The following PMFBP1 variants were observed in gnomAD, a reference collection of about 807,000 sequenced individuals.
The protein encoded by PMFBP1 is polyamine modulated factor 1 binding protein 1.
In PMFBP1, 131 loss-of-function variants were observed where a neutral mutation model predicts 137.8. The ratio of observed to expected loss-of-function variants is 0.95; its 90% CI spans 0.82 to 1.10. The LOEUF (loss-of-function observed/expected upper bound fraction) is 1.10. Among genes scored for constraint, PMFBP1 ranks in the 50% least tolerant of loss-of-function variants. PMFBP1 has a pLI of 0.00. For synonymous variants in PMFBP1, 490 were observed against 450.4 expected (o/e 1.09, Z -1.11); for missense variants, 1,199 against 1,175.4 (o/e 1.02, Z -0.29).
At chr16:72,120,149 G>C (rs1482171159) in intron 19 of PMFBP1, 60 bp from the exon 20 acceptor site, 2 of 1,611,242 alleles carry the variant, frequency 1.2e-6, no homozygotes, top group African/African-American at 1.3e-5. Flanking sequence ...TTGGTTCCCT[G>C]CTAGAAAGGA....
At chr16:72,129,555 T>C (rs1231475954) in intron 12 of PMFBP1, among the ~76,000 whole-genome samples, 1 of 152,206 alleles carries the variant, frequency 6.6e-6, no homozygotes, top group African/African-American at 2.4e-5. Context: ...TAAAAAATCT[T>C]AGAAGAGAAC....
chr16:72,224,677 C>T, the PMFBP1 span: 1 of 152,448 alleles, frequency 6.6e-6, no homozygotes, highest in African/African-American at 2.4e-5. Flanking sequence ...TTCCATAAAG[C>T]TTCTGTGACC....
the PMFBP1 span, among the ~76,000 whole-genome samples, chr16:72,212,103 G>A: frequency 6.6e-6 from 1 of 150,792 alleles, no homozygotes; most frequent in African/African-American, 2.4e-5. Context: ...AAAATAGGAA[G>A]CAAACAAGTG....
At chr16:72,231,036 AATGAAATAT>A in the PMFBP1 span, among the ~76,000 whole-genome samples, 1 of 152,204 alleles carries the variant, frequency 6.6e-6, no homozygotes, top group Non-Finnish European at 1.5e-5. Flanking sequence ...TTGAGAATCA[AATGAAATAT>A]AACAATGAAT....
the PMFBP1 span, among the ~76,000 whole-genome samples, chr16:72,188,180 A>C: frequency 6.6e-6 from 1 of 152,268 alleles, no homozygotes. Flanking sequence ...TAGAAAATGA[A>C]GTGTTCAGAA....
In PMFBP1 at chr16:72,136,748, C is replaced by T. The variant is rs1379863745; in HGVS notation, c.990G>A (p.Lys330=). ...LHVEEYQNLV[K]DLRVELEAVS... ...CGGCCTCTAGTTCCACGCGCAGATCCTTCACCAGGTTCTGGTACTCCTCCA... is the reference window on the plus strand; with the variant it reads ...CGGCCTCTAGTTCCACGCGCAGATCTTTCACCAGGTTCTGGTACTCCTCCA... Residue 330 remains lysine (K), a synonymous_variant, in exon 8 of 21, where the codon AAG becomes AAA. Coordinates refer to ENST00000237353, the MANE Select transcript of PMFBP1 (RefSeq NM_031293.3). 1.2e-6 allele frequency: 2 copies of T among 1,614,204 alleles called. No homozygotes were observed. Among genetic ancestry groups the T allele is most frequent in the Non-Finnish European group, 1.7e-6 (2 of 1,180,030 alleles).
chr16:72,143,368 T>C (rs905191937), intron 5 of PMFBP1, among the ~76,000 whole-genome samples: 2 of 152,142 alleles, frequency 1.3e-5, no homozygotes, highest in African/African-American at 4.8e-5. Context: ...TTTAGGAAAA[T>C]CCAAGACAGT....
the PMFBP1 span, among the ~76,000 whole-genome samples, chr16:72,183,848 C>T: frequency 6.6e-6 from 1 of 152,148 alleles, no homozygotes; most frequent in Non-Finnish European, 1.5e-5. Context: ...TTTGCTGCCT[C>T]TTGATATTTC....
chr16:72,205,733 C>T, the PMFBP1 span, among the ~76,000 whole-genome samples: 27 of 152,272 alleles, frequency 1.8e-4, no homozygotes, highest in African/African-American at 6.5e-4. Context: ...GTCGTCTCTT[C>T]CATAGAGTTC....
At chr16:72,232,450 C>T in the PMFBP1 span, among the ~76,000 whole-genome samples, 1 of 152,020 alleles carries the variant, frequency 6.6e-6, no homozygotes. Flanking sequence ...GTTAAAAAGG[C>T]TAAGAAATGT....
chr16:72,247,847 T>C, the PMFBP1 span, among the ~76,000 whole-genome samples: 1 of 152,194 alleles, frequency 6.6e-6, no homozygotes, highest in Non-Finnish European at 1.5e-5. Flanking sequence ...TAAAGGGCAA[T>C]GGCTATGTTT....
the PMFBP1 span, among the ~76,000 whole-genome samples, chr16:72,229,072 T>G: frequency 4.6e-5 from 7 of 152,152 alleles, no homozygotes; most frequent in Non-Finnish European, 7.4e-5. Flanking sequence ...TTTTCAGTGT[T>G]TAGCTCTCAC....
At chr16:72,154,753 T>A (rs779069168) in intron 3 of PMFBP1, among the ~76,000 whole-genome samples, 10 of 152,204 alleles carry the variant, frequency 6.6e-5, no homozygotes, top group African/African-American at 1.4e-4. Flanking sequence ...TAGGGAGATA[T>A]GTGTAATAAT....
chr16:72,150,224 G>T (rs1470432352), intron 5 of PMFBP1, among the ~76,000 whole-genome samples: 2 of 152,162 alleles, frequency 1.3e-5, no homozygotes, highest in African/African-American at 4.8e-5. Flanking sequence ...TTGTTAGGGA[G>T]AGCTGTTGGT....
chr16:72,187,978 C>T, the PMFBP1 span, among the ~76,000 whole-genome samples: 1 of 152,186 alleles, frequency 6.6e-6, no homozygotes, highest in African/African-American at 2.4e-5. Context: ...TGCTTTAATA[C>T]AATGTCTCTT....
chr16:72,187,429 T>C, the PMFBP1 span, among the ~76,000 whole-genome samples: 15 of 152,310 alleles, frequency 9.8e-5, no homozygotes, highest in African/African-American at 3.1e-4. Flanking sequence ...TCTAATATTA[T>C]ACTGGGATCC....
the PMFBP1 span, among the ~76,000 whole-genome samples, chr16:72,215,753 CCAA>C: frequency 2.0e-5 from 3 of 152,114 alleles, no homozygotes; most frequent in Admixed American, 1.3e-4. Flanking sequence ...ACTCATCCAC[CCAA>C]CAACAACAAA....
the PMFBP1 span, among the ~76,000 whole-genome samples, chr16:72,213,113 G>T: frequency 6.6e-6 from 1 of 151,478 alleles, no homozygotes; most frequent in East Asian, 1.9e-4. Flanking sequence ...GAGACCATGG[G>T]GTCCAGGAAA....
At chr16:72,249,127 T>C in the PMFBP1 span, among the ~76,000 whole-genome samples, 3 of 152,164 alleles carry the variant, frequency 2.0e-5, no homozygotes, top group Non-Finnish European at 4.4e-5. Flanking sequence ...ATGTTCTTTC[T>C]GGAATCTATT....
Sources: gnomAD v4.1 joint callset for allele counts (sites outside exome capture counted in the v4.1 genomes callset) on GRCh38, gnomAD v4.1.1 for gene constraint, MANE v1.5 for transcripts, NCBI Gene and HGNC (gene_info 2026-07-23, HGNC 2026-07-21) for gene names.